The following AGL variants were observed in gnomAD, a reference collection of about 807,000 sequenced individuals.
The protein encoded by AGL is amylo-alpha-1,6-glucosidase and 4-alpha-glucanotransferase, also known as glycogen debranching enzyme.
In AGL, 128 loss-of-function variants were observed where a neutral mutation model predicts 199.3. The observed-to-expected ratio is 0.64, with a 90% CI of 0.56 to 0.74. The LOEUF is 0.74. Ranked by LOEUF, AGL falls within the 30% of genes least tolerant of loss-of-function variation. The probability of loss-of-function intolerance (pLI) is 0.00; values close to 1 mark genes in which losing one functional copy is unlikely to be tolerated. For missense variants in AGL, 1,809 were observed against 1,820.8 expected (o/e 0.99, Z 0.12); for synonymous variants, 584 against 594.7 (o/e 0.98, Z 0.26).
At chr1:99,903,597 C>T (rs1363006561) in intron 27 of AGL, among the ~76,000 whole-genome samples, 5 of 152,156 alleles carry the variant, frequency 3.3e-5, no homozygotes, top group African/African-American at 4.8e-5. Flanking sequence ...AATGAACATA[C>T]GTGTGCATGT....
chr1:99,851,898 GAAA>G (rs1054025526), intron 2 of AGL, among the ~76,000 whole-genome samples: 1 of 136,784 alleles, frequency 7.3e-6, no homozygotes, highest in African/African-American at 2.5e-5. Context: ...TTAAATTTTT[GAAA>G]AAAATTTCAC....
chr1:99,901,007 AC>A, intron 26 of AGL, 146 bp downstream of exon 26: 1 of 763,764 alleles, frequency 1.3e-6, no homozygotes, highest in Non-Finnish European at 2.1e-6. Flanking sequence ...ACCTGCTGGT[AC>A]TATAAGTGAT....
chr1:99,909,696 T>A (rs1654596057), intron 27 of AGL, among the ~76,000 whole-genome samples: 1 of 152,084 alleles, frequency 6.6e-6, no homozygotes, highest in African/African-American at 2.4e-5. Flanking sequence ...ACTATGACAT[T>A]CCTCAAGTCT....
At chr1:99,883,412 A>T (rs1652202783) in intron 17 of AGL, among the ~76,000 whole-genome samples, 1 of 152,158 alleles carries the variant, frequency 6.6e-6, no homozygotes, top group Non-Finnish European at 1.5e-5. Flanking sequence ...AACATTATTT[A>T]TAATAGAGAA....
chr1:99,851,183 G>T, intron 2 of AGL, 59 bp downstream of exon 2: 3 of 1,400,192 alleles, frequency 2.1e-6, no homozygotes, highest in Non-Finnish European at 3.0e-6. Flanking sequence ...TAATTCATTG[G>T]CAGTCCTGTT....
chr1:99,868,825 C>CTTTT (rs374175804), intron 5 of AGL, among the ~76,000 whole-genome samples: 6 of 135,512 alleles, frequency 4.4e-5, no homozygotes, highest in South Asian at 2.3e-4. Context: ...GGTATTTACT[C>CTTTT]TTTTTTTTTT....
At chr1:99,850,802 G>A in intron 1 of AGL, 173 bp from the exon 2 acceptor site, 1 of 517,812 alleles carries the variant, frequency 1.9e-6, no homozygotes. Context: ...GTGCTCAAAG[G>A]CAGGAAACAA....
intron 20 of AGL, among the ~76,000 whole-genome samples, chr1:99,885,105 G>C (rs1178277489): frequency 6.6e-6 from 1 of 151,950 alleles, no homozygotes; most frequent in Admixed American, 6.6e-5. Flanking sequence ...TCCATTTTTG[G>C]ACATCTAGAT....
intron 2 of AGL, among the ~76,000 whole-genome samples, chr1:99,858,911 C>T (rs1456956630): frequency 3.3e-5 from 5 of 151,816 alleles, no homozygotes; most frequent in African/African-American, 1.2e-4. Context: ...ATGAGAACAT[C>T]ATACATATAT....
chr1:99,877,874 TC>T (rs1557761067), intron 12 of AGL, 46 bp downstream of exon 12: 1 of 1,581,462 alleles, frequency 6.3e-7, no homozygotes, highest in South Asian at 1.1e-5. Flanking sequence ...AATTCAGTGT[TC>T]CTTCCTAGCT....
chr1:99,875,869 A>G (rs1335339599), intron 10 of AGL, among the ~76,000 whole-genome samples: 1 of 152,060 alleles, frequency 6.6e-6, no homozygotes, highest in African/African-American at 2.4e-5. Context: ...CAATGCCTCA[A>G]TTATGTATTT....
chr1:99,864,168 T>C (rs1255454524), intron 4 of AGL, among the ~76,000 whole-genome samples: 1 of 152,212 alleles, frequency 6.6e-6, no homozygotes, highest in Non-Finnish European at 1.5e-5. Context: ...CTCTGTCTTG[T>C]ATATGAGGAC....
chr1:99,886,909 C>T (rs1234582364), intron 20 of AGL, among the ~76,000 whole-genome samples: 2 of 152,162 alleles, frequency 1.3e-5, no homozygotes, highest in Non-Finnish European at 2.9e-5. Context: ...TGTTCCTCCT[C>T]AGACCTGCTC....
intron 17 of AGL, among the ~76,000 whole-genome samples, chr1:99,882,351 G>A (rs1029074336): frequency 6.6e-6 from 1 of 152,092 alleles, no homozygotes; most frequent in Non-Finnish European, 1.5e-5. Flanking sequence ...GTATATATGT[G>A]TATAAATGTC....
chr1:99,897,606 T>C (rs1253585705), intron 25 of AGL, among the ~76,000 whole-genome samples: 1 of 152,244 alleles, frequency 6.6e-6, no homozygotes, highest in Admixed American at 6.5e-5. Context: ...TATGGAGCTA[T>C]AGAAATTTAG....
chr1:99,890,123 A>G (rs894406736), intron 21 of AGL, among the ~76,000 whole-genome samples: 1 of 152,138 alleles, frequency 6.6e-6, no homozygotes. Context: ...GGTACACCAT[A>G]TCCTTTTTAT....
intron 26 of AGL, 72 bp downstream of exon 26, chr1:99,900,933 TAAAA>T: frequency 2.3e-6 from 3 of 1,303,684 alleles, no homozygotes; most frequent in Admixed American, 3.7e-5. Flanking sequence ...GTTTCTAATG[TAAAA>T]ATAAGGGTAA....
chr1:99,872,111 A>G (rs1651070429), intron 7 of AGL, among the ~76,000 whole-genome samples: 2 of 152,194 alleles, frequency 1.3e-5, no homozygotes, highest in Admixed American at 1.3e-4. Context: ...CTGTATAGCA[A>G]TATGCTATTT....
At chr1:99,879,830 A>G in intron 12 of AGL, 93 bp from the exon 13 acceptor site, 1 of 1,013,264 alleles carries the variant, frequency 9.9e-7, no homozygotes, top group Middle Eastern at 2.0e-4. Context: ...TCTATGTCAA[A>G]TCATGCCTCC....
Sources: allele counts gnomAD v4.1 joint callset (sites outside exome capture counted in the v4.1 genomes callset), GRCh38; gene constraint gnomAD v4.1.1; transcripts MANE v1.5; gene names NCBI Gene and HGNC (gene_info 2026-07-23, HGNC 2026-07-21).